The following CDH4 variants were observed in gnomAD, a reference collection of about 807,000 sequenced individuals.
CDH4 encodes the protein cadherin 4, also known as cadherin-4.
CDH4 carries 33 observed loss-of-function variants against 86.0 expected under a neutral mutation model. The observed-to-expected ratio is 0.38, with a 90% confidence interval of 0.29 to 0.51. The LOEUF (loss-of-function observed/expected upper bound fraction) is 0.51. Among genes scored for constraint, CDH4 ranks in the 20% least tolerant of loss-of-function variants. The pLI is 0.86. For synonymous variants in CDH4, 555 were observed against 549.4 expected (o/e 1.01, Z -0.14); for missense variants, 1,114 against 1,307.4 (o/e 0.85, Z 2.28).
intron 2 of CDH4, among the ~76,000 whole-genome samples, chr20:61,362,904 C>G (rs2084792052): frequency 6.6e-6 from 1 of 152,196 alleles, no homozygotes; most frequent in Non-Finnish European, 1.5e-5. Flanking sequence ...CCATTCCTAA[C>G]TTTTCAAGAA....
chr20:61,266,450 G>A (rs774529686), intron 2 of CDH4, among the ~76,000 whole-genome samples: 5 of 151,858 alleles, frequency 3.3e-5, no homozygotes, highest in African/African-American at 4.8e-5. Flanking sequence ...TTTGCTTTGC[G>A]TTTGTTCTGG....
At chr20:61,504,773 T>C (rs1270320172) in intron 2 of CDH4, among the ~76,000 whole-genome samples, 2 of 152,214 alleles carry the variant, frequency 1.3e-5, no homozygotes, top group Non-Finnish European at 2.9e-5. Flanking sequence ...CATGGACTCT[T>C]TCCTGATGGC....
chr20:61,252,446 C>T lies in CDH4; in HGVS notation c.-68C>T, dbSNP rs1396278606. 7.8e-4 allele frequency: 473 copies of T among 605,886 alleles called. 1 individual carries two copies. The highest frequency in any genetic ancestry group is 3.8e-3 in the Middle Eastern group (5 of 1,324). The allele number at this position is 605,886 out of a possible 1,614,324, so 37.5% of individuals were successfully genotyped here. A position where few individuals can be genotyped will look rare whatever the true frequency, so the allele number is the denominator to read the frequency against. On this transcript the variant is annotated 5_prime_UTR_variant, in exon 1 of 16. Coordinates refer to ENST00000614565, the MANE Select transcript of CDH4 (RefSeq NM_001794.5). This position sits in a 1 kb window ranked among gnomAD's most constrained non-coding sequence, Gnocchi z 4.4. ...ATCGGAGCGGCGGCGGTGGTCTCGG[C>T]GGCGGCGGCGGCGGCGGCGGCAGGG... is the stretch of plus-strand genomic sequence containing the variant.
intron 2 of CDH4, among the ~76,000 whole-genome samples, chr20:61,394,471 C>T (rs1422566450): frequency 6.6e-6 from 1 of 152,104 alleles, no homozygotes; most frequent in Non-Finnish European, 1.5e-5. Context: ...TTCCTGTTTC[C>T]ACTTTGATAG....
chr20:61,923,381 A>T, intron 9 of CDH4, 70 bp from the exon 10 acceptor site: 2 of 1,522,226 alleles, frequency 1.3e-6, no homozygotes, highest in East Asian at 2.3e-5. Flanking sequence ...CAACCTTCCC[A>T]TGTGTCCCCC....
intron 2 of CDH4, among the ~76,000 whole-genome samples, chr20:61,652,938 A>ATTTATTTATTTT (rs1555819716): frequency 1.0e-5 from 1 of 97,402 alleles, no homozygotes; most frequent in African/African-American, 3.4e-5. Flanking sequence ...TTATTTATTT[A>ATTTATTTATTTT]TTTTTTTTTT....
chr20:61,475,970 A>G (rs1356428548), intron 2 of CDH4, among the ~76,000 whole-genome samples: 1 of 152,088 alleles, frequency 6.6e-6, no homozygotes. Flanking sequence ...GGAATGTCAC[A>G]AGTTCTAGGC....
chr20:61,267,043 A>T (rs2084161528), intron 2 of CDH4, among the ~76,000 whole-genome samples: 1 of 152,190 alleles, frequency 6.6e-6, no homozygotes. Flanking sequence ...CCACAAGTCC[A>T]GGAATGCCTA....
intron 2 of CDH4, among the ~76,000 whole-genome samples, chr20:61,374,873 C>T (rs1453203636): frequency 6.6e-6 from 1 of 152,226 alleles, no homozygotes; most frequent in African/African-American, 2.4e-5. Context: ...CGCCTGGAGG[C>T]TGCATCTGCA....
intron 2 of CDH4, among the ~76,000 whole-genome samples, chr20:61,524,812 CA>C (rs2085898564): frequency 6.6e-6 from 1 of 152,166 alleles, no homozygotes. Flanking sequence ...TTTTTAAATG[CA>C]TTTTTAAATT....
At chr20:61,673,342 C>T (rs1413934825) in intron 2 of CDH4, among the ~76,000 whole-genome samples, 1 of 152,210 alleles carries the variant, frequency 6.6e-6, no homozygotes, top group Non-Finnish European at 1.5e-5. Context: ...AAGGACAGCT[C>T]AGGGCCAGCA....
intron 2 of CDH4, among the ~76,000 whole-genome samples, chr20:61,491,989 T>G (rs894621718): frequency 1.3e-5 from 2 of 151,934 alleles, no homozygotes; most frequent in African/African-American, 4.8e-5. Context: ...ATTGTTGATG[T>G]TGGTGGTGTT....
chr20:61,565,257 A>ATGGTGG lies in CDH4; in HGVS notation c.170-178298_170-178293dup, dbSNP rs1239271694. ...GGTGGTGGTGGCGGTGCTCTTGGTG[A>ATGGTGG]TGGTGGTGGTGGTCCTCTTGGTGAT... On this transcript the variant is annotated intron_variant, in intron 2 of 15. Transcript: ENST00000614565. 2.0e-4 allele frequency among the ~76,000 whole-genome samples: 3 copies of ATGGTGG among 14,892 alleles called. 1 individual carries two copies. Among genetic ancestry groups the ATGGTGG allele is most frequent in the Admixed American group, 1.6e-3 (2 of 1,288 alleles). 9.8% of individuals were successfully genotyped at this position (14,892 alleles called of 152,430 possible).
chr20:61,495,902 CAAAA>C (rs72458954), intron 2 of CDH4, among the ~76,000 whole-genome samples: 14 of 58,424 alleles, frequency 2.4e-4, no homozygotes, highest in Middle Eastern at 0.01. Flanking sequence ...GACTCCATCT[CAAAA>C]AAAAAAAAAA....
intron 2 of CDH4, among the ~76,000 whole-genome samples, chr20:61,453,130 GA>G (rs1270439175): frequency 6.6e-6 from 1 of 152,078 alleles, no homozygotes; most frequent in East Asian, 1.9e-4. Context: ...AAAGGAAGGG[GA>G]AAAAAGCCAA....
At chr20:61,843,295 A>G in intron 4 of CDH4, among the ~76,000 whole-genome samples, 1 of 151,098 alleles carries the variant, frequency 6.6e-6, no homozygotes. Flanking sequence ...CTAAAAATAC[A>G]AAAAATTAGC....
At chr20:61,618,264 A>T (rs1174379605) in intron 2 of CDH4, among the ~76,000 whole-genome samples, 1 of 151,648 alleles carries the variant, frequency 6.6e-6, no homozygotes, top group Non-Finnish European at 1.5e-5. Flanking sequence ...ATCCTGGGTA[A>T]ATGTTCGTGA....
intron 2 of CDH4, among the ~76,000 whole-genome samples, chr20:61,742,171 G>GAT (rs10649032): frequency 0.2 from 29,723 of 151,958 alleles, 3,034 homozygotes; most frequent in Middle Eastern, 0.23. Flanking sequence ...AAGGGGAACA[G>GAT]ATCCGGGGAG....
intron 2 of CDH4, among the ~76,000 whole-genome samples, chr20:61,441,455 T>C (rs1291613498): frequency 6.6e-6 from 1 of 152,170 alleles, no homozygotes; most frequent in Non-Finnish European, 1.5e-5. Context: ...AAAGACCCCT[T>C]TCCCCACTGC....
Sources: allele counts gnomAD v4.1 joint callset (sites outside exome capture counted in the v4.1 genomes callset), GRCh38; gene constraint gnomAD v4.1.1; non-coding constraint Gnocchi (gnomAD v3.1); transcripts MANE v1.5; gene names NCBI Gene and HGNC (gene_info 2026-07-23, HGNC 2026-07-21).